Variants in AP3B2 observed in about 807,000 individuals in gnomAD.
AP3B2 encodes AP-3 complex subunit beta-2.
AP3B2 carries 50 observed loss-of-function variants against 126.9 expected under a neutral mutation model. The observed-to-expected ratio is 0.39, with a 90% CI of 0.31 to 0.50. AP3B2 has a LOEUF of 0.50. Among genes scored for constraint, AP3B2 ranks in the 20% least tolerant of loss-of-function variants. The probability of loss-of-function intolerance (pLI) is 0.79; values close to 1 mark genes in which losing one functional copy is unlikely to be tolerated. For missense variants in AP3B2, 1,177 were observed against 1,426.4 expected, an observed-to-expected ratio of 0.83 and a Z score of 2.82; for synonymous variants, 541 against 565.0, an observed-to-expected ratio of 0.96 and a Z score of 0.60.
At chr15:82,691,936 C>T in intron 1 of AP3B2, 21 of 1,360,796 alleles carry the variant, frequency 1.5e-5, no homozygotes, top group Non-Finnish European at 2.1e-5. Context: ...TTCTGAGATA[C>T]TCAACCATCC....
chr15:82,679,315 G>C (rs1487146322), intron 10 of AP3B2, among the ~76,000 whole-genome samples: 2 of 152,158 alleles, frequency 1.3e-5, no homozygotes, highest in Admixed American at 6.5e-5. Flanking sequence ...GTTGAGACGA[G>C]GTTTTGCTAT....
rs201447883 is a variant in AP3B2 at position 82,689,266 on chromosome 15, C to T, written c.190-34G>A. 9.4e-5 allele frequency: 152 copies of T among 1,613,360 alleles called. No individual in the cohort carries two copies. In the African/African-American group the frequency reaches 1.9e-3, roughly 20 times the overall value. ...TGGGGTCAAGGTAGGGGAAGAGGGA[C>T]AAAGCGAGAGGCACAGCACTAACTA... On this transcript the variant is annotated intron_variant, in intron 2 of 26. Transcript: ENST00000535359.
At chr15:82,667,383 G>A (rs1451223051) in intron 14 of AP3B2, among the ~76,000 whole-genome samples, 1 of 152,148 alleles carries the variant, frequency 6.6e-6, no homozygotes, top group Non-Finnish European at 1.5e-5. Flanking sequence ...GATAAACAGG[G>A]GTCCCTTTGG....
chr15:82,681,648 T>G lies in AP3B2; in HGVS notation c.361-68A>C. Reference sequence around the variant, plus strand: ...TGCCCTGATGGGGGGAGGCCACACCTTTGGAAGTCACTGTCCCCAGCGACC... The same window carrying G: ...TGCCCTGATGGGGGGAGGCCACACCGTTGGAAGTCACTGTCCCCAGCGACC... On this transcript the variant is annotated intron_variant, in intron 4 of 26. Coordinates refer to ENST00000535359, the MANE Select transcript of AP3B2 (RefSeq NM_001278512.2). This position sits in a 1 kb window ranked among gnomAD's most constrained non-coding sequence, Gnocchi z 4.0. 1 of 1,527,606 alleles carries G rather than the reference T, an allele frequency of 6.5e-7. No homozygotes were observed. Among genetic ancestry groups the G allele is most frequent in the South Asian group, 1.2e-5 (1 of 83,108 alleles). The allele number at this position is 1,527,606 out of a possible 1,614,324, so 94.6% of individuals were successfully genotyped here.
chr15:82,663,261 G>T, intron 21 of AP3B2, 28 bp from the exon 22 acceptor site: 1 of 1,567,638 alleles, frequency 6.4e-7, no homozygotes, highest in Non-Finnish European at 8.8e-7. Flanking sequence ...ACTATGAGGA[G>T]GCAAAGTGGA....
Position 82,709,584 on chromosome 15 carries a change from G to A in AP3B2, c.113+10C>T, listed in dbSNP as rs767482711. 6 of 1,487,860 alleles carry A rather than the reference G, an allele frequency of 4.0e-6. No homozygotes were observed. In the South Asian group the frequency reaches 7.6e-5, roughly 19 times the overall value. The allele number at this position is 1,487,860 out of a possible 1,614,324, so 92.2% of individuals were successfully genotyped here. ...AACCCTCCCGCGAGCTTCCTGGCGG[G>A]CTCCCTCACCGCTTGTAGTCGGAGG... On this transcript the variant is annotated intron_variant, in intron 1 of 26. Coordinates refer to ENST00000535359, the MANE Select transcript of AP3B2 (RefSeq NM_001278512.2).
chr15:82,709,515 G>T, intron 1 of AP3B2, 79 bp downstream of exon 1: 1 of 1,044,082 alleles, frequency 9.6e-7, no homozygotes. Flanking sequence ...CTGGGGCCGG[G>T]CGCTGTCCAT....
chr15:82,661,979 TC>T, intron 24 of AP3B2, 57 bp from the exon 25 acceptor site: 1 of 1,502,820 alleles, frequency 6.7e-7, no homozygotes, highest in Middle Eastern at 2.0e-4. Flanking sequence ...TCCCCTCACT[TC>T]CCACCCTGTG....
chr15:82,687,553 TA>T (rs760558591), intron 4 of AP3B2: 1 of 152,174 alleles, frequency 6.6e-6, no homozygotes, highest in Non-Finnish European at 1.5e-5. Flanking sequence ...TTTTGACTTA[TA>T]AAAAGAAATC....
Position 82,664,510 on chromosome 15 carries a change from G to A in AP3B2, c.2138-20C>T. ...CAGGGTCTGTGGAGGAACAATATGA[G>A]GCCTCCTCCCTCATATGCAGGCCTC... On this transcript the variant is annotated intron_variant, in intron 18 of 26. Coordinates refer to ENST00000535359, the MANE Select transcript of AP3B2 (RefSeq NM_001278512.2). This position sits in a 1 kb window ranked among gnomAD's most constrained non-coding sequence, Gnocchi z 4.5. 1.9e-6 allele frequency: 3 copies of A among 1,607,128 alleles called. No individual in the cohort carries two copies. Among genetic ancestry groups the A allele is most frequent in the Non-Finnish European group, 2.5e-6 (3 of 1,176,880 alleles).
At position 82,666,951 on chromosome 15, in the gene AP3B2, G is replaced by A. The variant is rs1374299382; in HGVS notation, c.1666-18C>T. On this transcript the variant is annotated intron_variant, in intron 14 of 26. Transcript: ENST00000535359. ...AGCTTGGTCTGGAGGAACAGGAAGA[G>A]GTGGGTCAGCTGACGGGGGGATGGG... 6.2e-7 allele frequency: 1 copy of A among 1,600,566 alleles called. No individual in the cohort carries two copies. The highest frequency in any genetic ancestry group is 1.3e-5 in the African/African-American group (1 of 74,702).
rs1363557246 is a variant in AP3B2, at chr15:82,689,164, G to C, written c.258C>G (p.Asn86Lys). ...CTCACCAGGTAGTGCTCACCTCTAT[G>C]TTCTTACAGGCCACGTTCTTCACCA... ...PAVVKNVACK[N>K]IEVKKLVYVY... is the part of the protein sequence containing the mutation. The change falls in exon 3 of 27, where the codon AAC becomes AAG. Residue 86 changes from asparagine (N) to lysine (K), a missense_variant. Transcript: ENST00000535359. 1 of 1,613,982 alleles carries C rather than the reference G, an allele frequency of 6.2e-7. No individual in the cohort carries two copies. The highest frequency in any genetic ancestry group is 1.7e-5 in the Admixed American group (1 of 60,030).
intron 1 of AP3B2, among the ~76,000 whole-genome samples, chr15:82,706,347 T>A (rs1278051280): frequency 1.3e-5 from 2 of 152,174 alleles, no homozygotes; most frequent in Non-Finnish European, 2.9e-5. Flanking sequence ...AAATATGCCT[T>A]CCATATCCTG....
At chr15:82,700,265 C>T (rs2048697473) in intron 1 of AP3B2, among the ~76,000 whole-genome samples, 1 of 151,908 alleles carries the variant, frequency 6.6e-6, no homozygotes, top group South Asian at 2.1e-4. Flanking sequence ...TTCCCATCAA[C>T]CTTCTCTTAT....
At position 82,665,714 on chromosome 15, in the gene AP3B2, T is replaced by C; in HGVS notation, c.1853-139A>G. ...GGAAGGAGATGGATGTGTGCCCTAA[T>C]GGCTCTTCCACCCTGACTGCACCTT... On this transcript the variant is annotated intron_variant, in intron 15 of 26. Transcript: ENST00000535359. This position sits in a 1 kb window ranked among gnomAD's most constrained non-coding sequence, Gnocchi z 4.4. 1 of 655,728 alleles carries C rather than the reference T, an allele frequency of 1.5e-6. No individual in the cohort carries two copies. The highest frequency in any genetic ancestry group is 2.7e-6 in the Non-Finnish European group (1 of 369,234). The allele number at this position is 655,728 out of a possible 1,614,324, so 40.6% of individuals were successfully genotyped here. A position where few individuals can be genotyped will look rare whatever the true frequency, so the allele number is the denominator to read the frequency against.
rs374430091 is a variant in AP3B2 at position 82,663,850 on chromosome 15, G to A, written c.2387C>T (p.Ser796Leu). 1.4e-5 allele frequency: 23 copies of A among 1,613,774 alleles called. No individual in the cohort carries two copies. The highest frequency in any genetic ancestry group is 4.0e-5 in the African/African-American group (3 of 74,938). The change falls in exon 20 of 27, where the codon TCG (serine) becomes TTG (leucine). Residue 796 changes from serine to leucine, a missense_variant. Ser to Leu is a moderately radical substitution (Grantham distance 145). Coordinates refer to ENST00000535359, the MANE Select transcript of AP3B2 (RefSeq NM_001278512.2). ...TTCTAACTGCTCCTCCTCGGACTCC[G>A]ATGTCATCTCGGACTCTGATGAGCT... ...SSSSSESEMT[S>L]ESEEEQLEPA...
Position 82,709,697 on chromosome 15 carries a change from C to A in AP3B2, c.10G>T (p.Ala4Ser). Residue 4 changes from alanine to serine, a missense_variant, in exon 1 of 27, where the codon GCC (alanine) becomes TCC (serine). By Grantham distance (99) the Ala-to-Ser change is moderately conservative. Around this residue, in one of 5 missense-constraint regions of AP3B2, gnomAD observed 49 missense variants for 39.3 expected, o/e 1.25. Transcript: ENST00000535359. Reference sequence around the variant, plus strand: ...CCCTTGTCTTCGCTGTAGGCGGGGGCGGCCGACATGGGGCGGCCAGGGAGA... The same window carrying A: ...CCCTTGTCTTCGCTGTAGGCGGGGGAGGCCGACATGGGGCGGCCAGGGAGA... MSA[A>S]PAYSEDKGGS... 4.0e-6 allele frequency: 6 copies of A among 1,486,730 alleles called. No homozygotes were observed. Among genetic ancestry groups the A allele is most frequent in the Non-Finnish European group, 5.4e-6 (6 of 1,118,864 alleles). The allele number at this position is 1,486,730 out of a possible 1,614,324, so 92.1% of individuals were successfully genotyped here.
intron 1 of AP3B2, among the ~76,000 whole-genome samples, chr15:82,695,966 G>T (rs1200478484): frequency 5.3e-5 from 8 of 152,148 alleles, no homozygotes; most frequent in Non-Finnish European, 1.2e-4. Context: ...CAGAGGTGAA[G>T]CACTCTCTGG....
chr15:82,684,734 C>T (rs2048398417), intron 4 of AP3B2, among the ~76,000 whole-genome samples: 1 of 152,150 alleles, frequency 6.6e-6, no homozygotes, highest in Non-Finnish European at 1.5e-5. Flanking sequence ...TCAAGTGATC[C>T]TCCTGCCTCG....
Sources: allele counts gnomAD v4.1 joint callset (sites outside exome capture counted in the v4.1 genomes callset), GRCh38; gene constraint gnomAD v4.1.1; regional missense constraint gnomAD v4.1.1; non-coding constraint Gnocchi (gnomAD v3.1); transcripts MANE v1.5; gene names NCBI Gene and HGNC (gene_info 2026-07-23, HGNC 2026-07-21).